The following USP13 variants were observed in gnomAD, a reference collection of about 807,000 sequenced individuals.
USP13 encodes the protein ubiquitin specific peptidase 13, also known as ubiquitin carboxyl-terminal hydrolase 13.
USP13 carries 68 observed loss-of-function variants against 107.8 expected under a neutral mutation model. The observed-to-expected ratio is 0.63, with a 90% CI of 0.52 to 0.77. The LOEUF (loss-of-function observed/expected upper bound fraction) is 0.77. Among genes scored for constraint, USP13 ranks in the 30% least tolerant of loss-of-function variants. The probability of loss-of-function intolerance (pLI) is 0.00; values close to 1 mark genes in which losing one functional copy is unlikely to be tolerated. For synonymous variants in USP13, 377 were observed against 389.5 expected, an observed-to-expected ratio of 0.97 and a Z score of 0.38; for missense variants, 945 against 1,093.3, an observed-to-expected ratio of 0.86 and a Z score of 1.91.
chr3:179,662,213 C>T (rs1720476074), intron 1 of USP13, among the ~76,000 whole-genome samples: 1 of 152,144 alleles, frequency 6.6e-6, no homozygotes, highest in African/African-American at 2.4e-5. Context: ...CTCATTCTTC[C>T]CCAGCGCTGA....
intron 3 of USP13, among the ~76,000 whole-genome samples, chr3:179,696,833 T>C (rs1269259069): frequency 6.6e-6 from 1 of 152,114 alleles, no homozygotes; most frequent in Non-Finnish European, 1.5e-5. Context: ...GTAAGGGAGT[T>C]CTGGATCCTT....
At chr3:179,710,126 C>T (rs754279822) in intron 6 of USP13, among the ~76,000 whole-genome samples, 1 of 152,160 alleles carries the variant, frequency 6.6e-6, no homozygotes, top group Non-Finnish European at 1.5e-5. Context: ...GAAATCCTAG[C>T]TATTGGTACC....
intron 12 of USP13, among the ~76,000 whole-genome samples, chr3:179,744,230 C>T (rs1398461627): frequency 6.6e-6 from 1 of 152,138 alleles, no homozygotes; most frequent in Non-Finnish European, 1.5e-5. Flanking sequence ...CCTCCTTGGC[C>T]TCACAGGGAC....
intron 5 of USP13, among the ~76,000 whole-genome samples, chr3:179,708,348 C>A (rs1044467126): frequency 1.3e-5 from 2 of 151,814 alleles, no homozygotes; most frequent in Non-Finnish European, 2.9e-5. Context: ...GCTCTGTCAC[C>A]CAGGCTGGAG....
chr3:179,720,957 T>A (rs542894403), intron 7 of USP13, among the ~76,000 whole-genome samples: 1 of 152,104 alleles, frequency 6.6e-6, no homozygotes, highest in Non-Finnish European at 1.5e-5. Context: ...TAAAGGCATG[T>A]GCCACCACAC....
rs563672062 is a variant in USP13 at position 179,699,582 on chromosome 3, C to T, written c.356-1426C>T. On this transcript the variant is annotated intron_variant, in intron 3 of 20. Coordinates refer to ENST00000263966, the MANE Select transcript of USP13 (RefSeq NM_003940.3). ...AAAAAAATTAGCCAAGCCTGGCAGT[C>T]CTAGCTTCTCAGGAGGGTGAGGTGG... Among the ~76,000 whole-genome samples, 3 of 151,664 alleles carry T rather than the reference C, an allele frequency of 2.0e-5. No individual in the cohort carries two copies. The South Asian group carries it at 6.2e-4, about 32-fold the overall frequency.
intron 1 of USP13, among the ~76,000 whole-genome samples, chr3:179,669,662 TA>T (rs1281435941): frequency 6.6e-6 from 1 of 152,104 alleles, no homozygotes; most frequent in African/African-American, 2.4e-5. Context: ...TCCAGTAAGG[TA>T]GCCACTAGCC....
intron 19 of USP13, among the ~76,000 whole-genome samples, chr3:179,774,745 T>C (rs12496469): frequency 0.22 from 34,080 of 152,180 alleles, 6,617 homozygotes; most frequent in African/African-American, 0.53. Context: ...TCGGGCAGCC[T>C]GCTTTTATTC....
Position 179,786,595 on chromosome 3 carries a change from G to A in USP13, c.*2454G>A, listed in dbSNP as rs1248022253. 3 of 154,962 alleles carry A rather than the reference G, an allele frequency of 1.9e-5. No individual in the cohort carries two copies. The highest frequency in any genetic ancestry group is 7.2e-5 in the African/African-American group (3 of 41,470). The allele number at this position is 154,962 out of a possible 1,614,324, so 9.6% of individuals were successfully genotyped here. On this transcript the variant is annotated 3_prime_UTR_variant, in exon 21 of 21. Coordinates refer to ENST00000263966, the MANE Select transcript of USP13 (RefSeq NM_003940.3). ...ATTCTTTACTTCAGATTGAGAGTTG[G>A]GAAAAACTGGAGTAAATAATGGGTT...
At chr3:179,770,665 C>T (rs543927474) in intron 19 of USP13, among the ~76,000 whole-genome samples, 114 of 151,068 alleles carry the variant, frequency 7.5e-4, no homozygotes, top group African/African-American at 2.5e-3. Context: ...AGTGCAGTGG[C>T]GCCATCTCAG....
At position 179,708,662 on chromosome 3, in the gene USP13, T is replaced by C. The variant is rs1220767132; in HGVS notation, c.621-111T>C. ...AATGGGGAAGCATCAGTCTCTGTTA[T>C]TCCACTGAGCCTTTGTTGTGACCTG... On this transcript the variant is annotated intron_variant, in intron 5 of 20. Coordinates refer to ENST00000263966, the MANE Select transcript of USP13 (RefSeq NM_003940.3). 5.3e-6 allele frequency: 7 copies of C among 1,320,576 alleles called. No individual in the cohort carries two copies. In the Admixed American group the frequency reaches 1.2e-4, roughly 23 times the overall value. 81.8% of individuals were successfully genotyped at this position (1,320,576 alleles called of 1,614,324 possible). A position where few individuals can be genotyped will look rare whatever the true frequency, so the allele number is the denominator to read the frequency against.
intron 1 of USP13, among the ~76,000 whole-genome samples, chr3:179,658,178 A>T (rs532570340): frequency 4.6e-5 from 7 of 152,116 alleles, no homozygotes; most frequent in South Asian, 2.1e-4. Context: ...CTGGTCCTGA[A>T]CTCCTGACCT....
chr3:179,758,522 G>A (rs1188662830), intron 16 of USP13, among the ~76,000 whole-genome samples: 2 of 149,782 alleles, frequency 1.3e-5, no homozygotes, highest in Non-Finnish European at 3.0e-5. Flanking sequence ...TTTTTGAGAC[G>A]GAGTCTTGCT....
intron 17 of USP13, among the ~76,000 whole-genome samples, chr3:179,762,744 A>G (rs1212514424): frequency 1.3e-5 from 2 of 151,998 alleles, no homozygotes; most frequent in African/African-American, 4.8e-5. Context: ...ATGGACATTT[A>G]TTTTTACTTC....
In USP13 at chr3:179,757,037, TC is replaced by T. The variant is rs1714831563; in HGVS notation, c.1922-12del. The T allele has an allele frequency of 6.2e-7, 1 of 1,613,836 alleles. No homozygotes were observed. The highest frequency in any genetic ancestry group is 1.3e-5 in the African/African-American group (1 of 74,902). The stretch of plus-strand genomic sequence containing the variant: ...TGGTTTGGTCTCATTTTCTGTCCTC[TC>T]CCTTAATTTCCAGATCGCCTGATGA... On this transcript the variant is annotated splice_polypyrimidine_tract_variant and intron_variant, in intron 15 of 20. Transcript: ENST00000263966.
At chr3:179,756,412 A>AC (rs1295354531) in intron 15 of USP13, among the ~76,000 whole-genome samples, 7 of 103,364 alleles carry the variant, frequency 6.8e-5, no homozygotes, top group South Asian at 3.2e-4. Context: ...CCTGTCTCAA[A>AC]AAAACAAACA....
intron 2 of USP13, 118 bp from the exon 3 acceptor site, chr3:179,690,123 G>A: frequency 2.1e-6 from 2 of 931,480 alleles, no homozygotes; most frequent in Non-Finnish European, 3.2e-6. Context: ...TGCTAATCTA[G>A]ATGGAATATT....
intron 4 of USP13, among the ~76,000 whole-genome samples, chr3:179,705,918 T>A (rs1283302999): frequency 6.6e-6 from 1 of 152,140 alleles, no homozygotes; most frequent in Non-Finnish European, 1.5e-5. Flanking sequence ...AGATAGGGTT[T>A]CACCACGTTA....
intron 19 of USP13, among the ~76,000 whole-genome samples, chr3:179,776,954 T>G (rs1715563869): frequency 6.6e-6 from 1 of 150,722 alleles, no homozygotes; most frequent in Non-Finnish European, 1.5e-5. Flanking sequence ...CACCTTGACT[T>G]TCTCTTTGGA....
Sources: allele counts gnomAD v4.1 joint callset (sites outside exome capture counted in the v4.1 genomes callset), GRCh38; gene constraint gnomAD v4.1.1; transcripts MANE v1.5; gene names NCBI Gene and HGNC (gene_info 2026-07-23, HGNC 2026-07-21).